SLC37A3: variants seen among roughly 807,000 people sequenced by gnomAD.
The protein encoded by SLC37A3 is sugar phosphate exchanger 3.
In SLC37A3, 51 loss-of-function variants were observed where a neutral mutation model predicts 67.1. That is an observed-to-expected ratio of 0.76 (90% CI 0.61 to 0.96). The LOEUF is 0.96. Ranked by LOEUF, SLC37A3 falls within the 40% of genes least tolerant of loss-of-function variation. The pLI is 0.00. For synonymous variants in SLC37A3, 214 were observed against 231.4 expected (o/e 0.92, Z 0.68); for missense variants, 508 against 603.0 (o/e 0.84, Z 1.65).
Position 140,335,064 on chromosome 7 carries a change from G to T in SLC37A3, c.*348C>A. 4.3e-6 allele frequency: 3 copies of T among 692,422 alleles called. No individual in the cohort carries two copies. Among genetic ancestry groups the T allele is most frequent in the Admixed American group, 6.0e-5 (2 of 33,098 alleles). The allele number at this position is 692,422 out of a possible 1,614,324, so 42.9% of individuals were successfully genotyped here. A position where few individuals can be genotyped will look rare whatever the true frequency, so the allele number is the denominator to read the frequency against. ...GCCTCCTGTTCACTCCATTTTCAAG[G>T]CTAGAGAAAGTTCAAGTCCAAAACA... On this transcript the variant is annotated 3_prime_UTR_variant, in exon 15 of 15. Coordinates refer to ENST00000326232, the MANE Select transcript of SLC37A3 (RefSeq NM_207113.3).
chr7:140,377,355 G>A (rs1798075418), intron 3 of SLC37A3, among the ~76,000 whole-genome samples: 1 of 151,974 alleles, frequency 6.6e-6, no homozygotes, highest in South Asian at 2.1e-4. Flanking sequence ...CTGAGCCATC[G>A]CACCTGGCCC....
In SLC37A3 at chr7:140,355,819, G is replaced by C. The variant is rs535245749; in HGVS notation, c.522-55C>G. The C allele has an allele frequency of 3.3e-6, 5 of 1,494,692 alleles. No individual in the cohort carries two copies. In the African/African-American group the frequency reaches 5.5e-5, roughly 17 times the overall value. 92.6% of individuals were successfully genotyped at this position (1,494,692 alleles called of 1,614,324 possible). ...GCCATGGTCAGAAGAGATACTCTGG[G>C]CAGTTCAAAATACAAAACAGCCAAA... On this transcript the variant is annotated intron_variant, in intron 6 of 14. Transcript: ENST00000326232.
intron 8 of SLC37A3, 101 bp from the exon 9 acceptor site, chr7:140,351,552 T>C: frequency 7.8e-7 from 1 of 1,280,566 alleles, no homozygotes; most frequent in South Asian, 1.5e-5. Context: ...TTATTTCCAT[T>C]TTACAGAAGC....
chr7:140,377,516 A>G (rs1270749956), intron 3 of SLC37A3, among the ~76,000 whole-genome samples: 1 of 152,154 alleles, frequency 6.6e-6, no homozygotes, highest in Admixed American at 6.5e-5. Flanking sequence ...ATAGACATAG[A>G]CTTTATGTTA....
intron 4 of SLC37A3, 55 bp from the exon 5 acceptor site, chr7:140,364,546 G>T (rs1797523147): frequency 6.6e-7 from 1 of 1,523,836 alleles, no homozygotes; most frequent in African/African-American, 1.4e-5. Flanking sequence ...GTATGAAAAA[G>T]TAACATGCAC....
Position 140,382,599 on chromosome 7 carries a change from G to GGTCGCC in SLC37A3, c.-70-4_-70-3insGGCGAC. On this transcript the variant is annotated splice_region_variant and splice_polypyrimidine_tract_variant and intron_variant, in intron 1 of 14. Coordinates refer to ENST00000326232, the MANE Select transcript of SLC37A3 (RefSeq NM_207113.3). ...GTGATTTACATCATTTCTTCCTTCT[G>GGTCGCC]GAAAGACAAAACACATTATGGACAT... 1 of 1,345,824 alleles carries GGTCGCC rather than the reference G, an allele frequency of 7.4e-7. No individual in the cohort carries two copies. The allele number at this position is 1,345,824 out of a possible 1,614,324, so 83.4% of individuals were successfully genotyped here.
intron 3 of SLC37A3, among the ~76,000 whole-genome samples, chr7:140,371,937 C>T (rs1282016352): frequency 1.1e-4 from 16 of 152,044 alleles, no homozygotes; most frequent in African/African-American, 3.9e-4. Flanking sequence ...CTGCAACCTC[C>T]GCCTCCTGGG....
intron 1 of SLC37A3, among the ~76,000 whole-genome samples, chr7:140,383,371 TGA>T (rs1798331327): frequency 6.6e-6 from 1 of 152,054 alleles, no homozygotes; most frequent in Admixed American, 6.6e-5. Context: ...CTGGAGAGGC[TGA>T]GACAGGAAGA....
chr7:140,374,496 C>CA (rs5887970), intron 3 of SLC37A3, among the ~76,000 whole-genome samples: 15,918 of 125,388 alleles, frequency 0.13, 1,134 homozygotes, highest in East Asian at 0.3. Flanking sequence ...GACTCAATCT[C>CA]AAAAAAAAAA....
intron 7 of SLC37A3, among the ~76,000 whole-genome samples, chr7:140,353,980 G>C (rs1796921340): frequency 6.6e-6 from 1 of 152,124 alleles, no homozygotes; most frequent in Non-Finnish European, 1.5e-5. Context: ...AAAGTGCTGG[G>C]ATTACAGGCG....
intron 1 of SLC37A3, among the ~76,000 whole-genome samples, chr7:140,393,092 A>C (rs1563057687): frequency 1.3e-5 from 2 of 148,360 alleles, no homozygotes; most frequent in South Asian, 2.1e-4. Context: ...ACTCCGTCCC[A>C]AAAAAAAAAC....
At chr7:140,366,336 T>C (rs1441068829) in intron 4 of SLC37A3, among the ~76,000 whole-genome samples, 4 of 152,158 alleles carry the variant, frequency 2.6e-5, no homozygotes, top group Admixed American at 2.6e-4. Flanking sequence ...CTCAAACTCC[T>C]GACCTCAGGT....
intron 1 of SLC37A3, among the ~76,000 whole-genome samples, chr7:140,395,916 G>A (rs984581229): frequency 2.0e-5 from 3 of 151,858 alleles, no homozygotes; most frequent in Non-Finnish European, 4.4e-5. Context: ...AAAGTGTAAA[G>A]AAGAATGTGG....
intron 3 of SLC37A3, among the ~76,000 whole-genome samples, chr7:140,370,045 G>A (rs1255498438): frequency 6.6e-6 from 1 of 152,134 alleles, no homozygotes; most frequent in Non-Finnish European, 1.5e-5. Flanking sequence ...AGGAGGCGGA[G>A]GTTGTGGTGA....
chr7:140,397,082 C>A (rs2130014369), intron 1 of SLC37A3, among the ~76,000 whole-genome samples: 1 of 149,816 alleles, frequency 6.7e-6, no homozygotes, highest in South Asian at 2.1e-4. Flanking sequence ...CGCCTGTAGT[C>A]CCAGCTACTC....
chr7:140,380,303 C>A lies in SLC37A3; in HGVS notation c.177G>T (p.Thr59=). Residue 59 remains threonine (T), a synonymous_variant, in exon 3 of 15, where the codon ACG becomes ACT. Coordinates refer to ENST00000326232, the MANE Select transcript of SLC37A3 (RefSeq NM_207113.3). ...TTACCTCCACAGGCAGCTCAACTGA[C>A]GTGTTAAAAGCACTTGGGGTCCACT... ...SEQWTPSAFN[T]SVELPVEIWS... is the part of the protein sequence containing the mutation. 4 of 1,612,302 alleles carry A rather than the reference C, an allele frequency of 2.5e-6. No homozygotes were observed. The highest frequency in any genetic ancestry group is 1.7e-4 in the Middle Eastern group (1 of 6,052).
intron 5 of SLC37A3, among the ~76,000 whole-genome samples, chr7:140,362,481 G>T (rs1797370335): frequency 6.9e-6 from 1 of 144,600 alleles, no homozygotes; most frequent in African/African-American, 2.6e-5. Context: ...GGGCGCCTCT[G>T]CCCGGCCGCC....
chr7:140,340,164 A>G (rs974113336), intron 13 of SLC37A3, among the ~76,000 whole-genome samples: 5 of 152,042 alleles, frequency 3.3e-5, no homozygotes, highest in Non-Finnish European at 7.4e-5. Flanking sequence ...TCATTTGTAC[A>G]TATTTGTCAT....
intron 7 of SLC37A3, 58 bp from the exon 8 acceptor site, chr7:140,352,204 C>G: frequency 7.1e-6 from 5 of 702,062 alleles, no homozygotes; most frequent in Non-Finnish European, 1.1e-5. Context: ...ATCACAAGCA[C>G]ATTCATTAAA....
Sources: allele counts gnomAD v4.1 joint callset (sites outside exome capture counted in the v4.1 genomes callset), GRCh38; gene constraint gnomAD v4.1.1; transcripts MANE v1.5; gene names NCBI Gene and HGNC (gene_info 2026-07-23, HGNC 2026-07-21).